The following PREX1 variants were observed in gnomAD, a reference collection of about 807,000 sequenced individuals.
The protein encoded by PREX1 is phosphatidylinositol-3,4,5-trisphosphate dependent Rac exchange factor 1.
A neutral mutation model predicts 198.3 loss-of-function variants in PREX1; 41 were observed. The observed-to-expected ratio is 0.21, with a 90% CI of 0.16 to 0.27. The LOEUF is 0.27. Among genes scored for constraint, PREX1 ranks in the 10% least tolerant of loss-of-function variants. The pLI is 1.00. For synonymous variants in PREX1, 843 were observed against 887.2 expected, an observed-to-expected ratio of 0.95 and a Z score of 0.89; for missense variants, 1,620 against 2,200.7, an observed-to-expected ratio of 0.74 and a Z score of 5.28.
At position 48,625,941 on chromosome 20, in the gene PREX1, C is replaced by T; in HGVS notation, c.4938-14G>A. 1 of 1,545,374 alleles carries T rather than the reference C, an allele frequency of 6.5e-7. No homozygotes were observed. ...AGGCGGTAGAGGCTGGGGATGGAGG[C>T]AAAGAGAATGAGGAGAGGCCGGGGC... On this transcript the variant is annotated splice_polypyrimidine_tract_variant and intron_variant, in intron 39 of 39. Coordinates refer to ENST00000371941, the MANE Select transcript of PREX1 (RefSeq NM_020820.4).
chr20:48,708,143 G>A (rs1379674815), intron 6 of PREX1, 117 bp downstream of exon 6: 3 of 1,147,318 alleles, frequency 2.6e-6, no homozygotes, highest in East Asian at 4.8e-5. Flanking sequence ...TGCAAACACT[G>A]TAGGCCAAAC....
chr20:48,859,026 G>A, the PREX1 span, among the ~76,000 whole-genome samples: 1 of 151,978 alleles, frequency 6.6e-6, no homozygotes, highest in Non-Finnish European at 1.5e-5. Context: ...CTCCCGAGTA[G>A]CTAGGACTAC....
At chr20:48,755,064 C>T (rs2090150874) in intron 1 of PREX1, among the ~76,000 whole-genome samples, 1 of 152,106 alleles carries the variant, frequency 6.6e-6, no homozygotes, top group South Asian at 2.1e-4. Flanking sequence ...TTTATAATTC[C>T]ATCACTGGGG....
chr20:48,691,244 A>C lies in PREX1; in HGVS notation c.1037-148T>G. On this transcript the variant is annotated intron_variant, in intron 8 of 39. Coordinates refer to ENST00000371941, the MANE Select transcript of PREX1 (RefSeq NM_020820.4). The surrounding 1 kb of genome is among the most constrained non-coding windows in gnomAD (Gnocchi z 5.0). ...TGGACTTCCAGCCCTTCAAACGCTC[A>C]CTTCTTATCCTTTTCCAGTGGGCAA... The C allele has an allele frequency of 1.0e-6, 1 of 991,400 alleles. No homozygotes were observed. Among genetic ancestry groups the C allele is most frequent in the Non-Finnish European group, 1.5e-6 (1 of 661,850 alleles). 61.4% of individuals were successfully genotyped at this position (991,400 alleles called of 1,614,324 possible).
At chr20:48,747,289 G>A (rs768008913) in intron 2 of PREX1, among the ~76,000 whole-genome samples, 1 of 152,212 alleles carries the variant, frequency 6.6e-6, no homozygotes, top group African/African-American at 2.4e-5. Flanking sequence ...GAGCCAGGCT[G>A]GGGCTGAGCC....
intron 33 of PREX1, among the ~76,000 whole-genome samples, chr20:48,634,174 G>GGATGGA (rs1568791973): frequency 0.073 from 5,600 of 76,642 alleles, 152 homozygotes; most frequent in Middle Eastern, 0.14. Flanking sequence ...ATGGATGGAT[G>GGATGGA]CATGGATGGA....
the PREX1 span, among the ~76,000 whole-genome samples, chr20:48,886,819 A>G: frequency 6.6e-6 from 1 of 152,240 alleles, no homozygotes; most frequent in South Asian, 2.1e-4. Flanking sequence ...AGAAAGGCTA[A>G]GTCAGTAGCC....
chr20:48,796,795 T>C (rs2090364979), intron 1 of PREX1, among the ~76,000 whole-genome samples: 1 of 150,796 alleles, frequency 6.6e-6, no homozygotes, highest in African/African-American at 2.4e-5. Context: ...TATACACATA[T>C]AATTATATAC....
rs1045054984 is a variant in PREX1, at chr20:48,639,865, G to A, written c.3805C>T (p.Arg1269Cys). 5.6e-6 allele frequency: 9 copies of A among 1,614,000 alleles called. 1 individual carries two copies. The highest frequency in any genetic ancestry group is 5.5e-5 in the South Asian group (5 of 91,070). ...EFKQKEECTI[R>C]GRSLIQISIQ... ...CTAATCTGGATCAGGCTCCGGCCAC[G>A]GATTGTACACTCTTCTTTCTGTTTA... Residue 1269 changes from arginine to cysteine, a missense_variant, in exon 30 of 40, where the codon CGT (arginine) becomes TGT (cysteine). By Grantham distance (180) the Arg-to-Cys change is radical. Transcript: ENST00000371941.
intron 5 of PREX1, among the ~76,000 whole-genome samples, chr20:48,724,222 T>C (rs73911653): frequency 6.6e-6 from 1 of 152,186 alleles, no homozygotes; most frequent in Non-Finnish European, 1.5e-5. Flanking sequence ...CTACTGCTTA[T>C]CTACTACGTG....
At chr20:48,883,937 C>A in the PREX1 span, among the ~76,000 whole-genome samples, 2 of 151,914 alleles carry the variant, frequency 1.3e-5, no homozygotes, top group Non-Finnish European at 2.9e-5. Context: ...TCAGCAGATC[C>A]AGACCATCCT....
At chr20:48,804,564 G>A (rs1044148012) in intron 1 of PREX1, among the ~76,000 whole-genome samples, 2 of 152,224 alleles carry the variant, frequency 1.3e-5, no homozygotes, top group African/African-American at 4.8e-5. Context: ...AGGGCGTTGG[G>A]ATTTCCTCTG....
intron 1 of PREX1, among the ~76,000 whole-genome samples, chr20:48,764,696 T>A (rs2090199848): frequency 6.6e-6 from 1 of 150,564 alleles, no homozygotes; most frequent in South Asian, 2.1e-4. Context: ...GCGTGAGAAT[T>A]GCTTGAACAC....
chr20:48,690,787 G>A (rs1242889680), intron 9 of PREX1, among the ~76,000 whole-genome samples, 160 bp downstream of exon 9: 1 of 152,128 alleles, frequency 6.6e-6, no homozygotes, highest in Non-Finnish European at 1.5e-5. Flanking sequence ...CACCAAGTTG[G>A]AATAGTCCCA....
At chr20:48,734,702 T>G (rs1601103562) in intron 3 of PREX1, 52 bp from the exon 4 acceptor site, 717 of 1,516,568 alleles carry the variant, frequency 4.7e-4, no homozygotes, top group Non-Finnish European at 5.7e-4. Flanking sequence ...AGCAGGCAGG[T>G]GCCCTGACAC....
At chr20:48,769,305 T>C (rs2090223715) in intron 1 of PREX1, among the ~76,000 whole-genome samples, 1 of 152,090 alleles carries the variant, frequency 6.6e-6, no homozygotes, top group South Asian at 2.1e-4. Context: ...GGCTGCCCCG[T>C]TGAATGAGAC....
intron 27 of PREX1, among the ~76,000 whole-genome samples, chr20:48,643,506 G>C (rs887014326): frequency 1.3e-5 from 2 of 151,720 alleles, no homozygotes; most frequent in African/African-American, 2.4e-5. Flanking sequence ...AGTAGAGTAT[G>C]ATCTAATTTA....
the PREX1 span, among the ~76,000 whole-genome samples, chr20:48,847,372 AAAAAAAAAAAAAC>A: frequency 6.7e-6 from 1 of 149,288 alleles, no homozygotes; most frequent in South Asian, 2.1e-4. Context: ...TATAAAAAAA[AAAAAAAAAAAAAC>A]AAACCCTCCC....
At chr20:48,764,560 A>G (rs2090199159) in intron 1 of PREX1, among the ~76,000 whole-genome samples, 1 of 152,136 alleles carries the variant, frequency 6.6e-6, no homozygotes, top group Non-Finnish European at 1.5e-5. Context: ...AGGTGGGTGG[A>G]TCACTTGAGG....
Sources: allele counts gnomAD v4.1 joint callset (sites outside exome capture counted in the v4.1 genomes callset), GRCh38; gene constraint gnomAD v4.1.1; non-coding constraint Gnocchi (gnomAD v3.1); transcripts MANE v1.5; gene names NCBI Gene and HGNC (gene_info 2026-07-23, HGNC 2026-07-21).